Variants in LYZL1 observed in about 807,000 individuals in gnomAD.
The protein encoded by LYZL1 is lysozyme like 1, also known as lysozyme-like protein 1.
A neutral mutation model predicts 17.9 loss-of-function variants in LYZL1; 16 were observed. The observed-to-expected ratio is 0.90, with a 90% CI of 0.61 to 1.36. The LOEUF is 1.36. LYZL1 is among the 40% of genes most tolerant of loss of function. The pLI is 0.00. For missense variants in LYZL1, 149 were observed against 188.4 expected, an observed-to-expected ratio of 0.79 and a Z score of 1.22; for synonymous variants, 58 against 71.8, an observed-to-expected ratio of 0.81 and a Z score of 0.97.
At chr10:29,308,871 G>A (rs1179289005) in intron 3 of LYZL1, among the ~76,000 whole-genome samples, 1 of 152,100 alleles carries the variant, frequency 6.6e-6, no homozygotes, top group Admixed American at 6.5e-5. Flanking sequence ...AGGCTCAGGT[G>A]GGAGGATCAC....
intron 3 of LYZL1, among the ~76,000 whole-genome samples, 179 bp downstream of exon 3, chr10:29,292,856 A>T (rs1835393004): frequency 6.6e-6 from 1 of 152,188 alleles, no homozygotes; most frequent in African/African-American, 2.4e-5. Flanking sequence ...CCTGTGGCTG[A>T]CTTCTCCAAA....
chr10:29,311,377 C>A (rs1319592977), downstream of LYZL1: 1 of 565,310 alleles, frequency 1.8e-6, no homozygotes. Flanking sequence ...GCTGCTCATT[C>A]AAAAATAAGA....
downstream of LYZL1, among the ~76,000 whole-genome samples, chr10:29,315,011 C>T (rs967494013): frequency 1.3e-5 from 2 of 152,096 alleles, no homozygotes; most frequent in East Asian, 1.9e-4. Flanking sequence ...ATGGCACAAA[C>T]CCTAAGCCAG....
chr10:29,317,003 C>G (rs1271917788), intron 3 of LYZL1, among the ~76,000 whole-genome samples: 1 of 152,122 alleles, frequency 6.6e-6, no homozygotes, highest in Non-Finnish European at 1.5e-5. Context: ...AAGGTATGAG[C>G]CATCATGTCC....
intron 3 of LYZL1, among the ~76,000 whole-genome samples, chr10:29,301,256 C>T (rs569665987): frequency 6.6e-6 from 1 of 152,298 alleles, no homozygotes; most frequent in African/African-American, 2.4e-5. Context: ...ACTTGCTCCT[C>T]CTTGCCTACT....
chr10:29,307,984 C>T (rs1437247873), intron 3 of LYZL1, among the ~76,000 whole-genome samples: 5 of 152,200 alleles, frequency 3.3e-5, no homozygotes, highest in Middle Eastern at 3.4e-3. Flanking sequence ...CCCTTGTCAA[C>T]GTCAAGCATT....
downstream of LYZL1, among the ~76,000 whole-genome samples, chr10:29,312,820 G>A (rs1835688978): frequency 6.6e-6 from 1 of 152,148 alleles, no homozygotes; most frequent in Admixed American, 6.5e-5. Context: ...GCTGGTTGGA[G>A]CTGTCTTGTT....
At chr10:29,311,726 C>T (rs575032373), downstream of LYZL1, among the ~76,000 whole-genome samples, 7 of 151,956 alleles carry the variant, frequency 4.6e-5, no homozygotes, top group African/African-American at 1.7e-4. Context: ...GTGTGTAATC[C>T]CAGCACTTTG....
chr10:29,302,387 G>A (rs1835531441), intron 3 of LYZL1, among the ~76,000 whole-genome samples: 1 of 151,522 alleles, frequency 6.6e-6, no homozygotes, highest in South Asian at 2.1e-4. Flanking sequence ...AGGGCAGGCT[G>A]CTCGTAAGGA....
intron 3 of LYZL1, among the ~76,000 whole-genome samples, chr10:29,307,035 A>AGCCATGGT (rs1302538853): frequency 6.6e-6 from 1 of 152,058 alleles, no homozygotes; most frequent in African/African-American, 2.4e-5. Context: ...TTGTATTTTT[A>AGCCATGGT]GAAGAGATGG....
rs776703115 is a variant in LYZL1, at chr10:29,310,975, C to G, written c.378-15C>G. The G allele has an allele frequency of 6.2e-7, 1 of 1,614,066 alleles. No individual in the cohort carries two copies. The highest frequency in any genetic ancestry group is 1.3e-5 in the African/African-American group (1 of 74,938). On this transcript the variant is annotated splice_polypyrimidine_tract_variant and intron_variant, in intron 4 of 4. Transcript: ENST00000649382. ...ACGCTTCTTTCTGCTGCTCCTGCTT[C>G]CCTCTCATCCTCAGGCAAGGCTGGA...
At chr10:29,293,993 A>G (rs1271568165) in intron 3 of LYZL1, among the ~76,000 whole-genome samples, 2 of 152,070 alleles carry the variant, frequency 1.3e-5, no homozygotes, top group Non-Finnish European at 2.9e-5. Context: ...AAGAAAGAAA[A>G]AAAGAAAATC....
chr10:29,294,742 G>T (rs907143454), intron 3 of LYZL1, among the ~76,000 whole-genome samples: 1 of 152,174 alleles, frequency 6.6e-6, no homozygotes, highest in African/African-American at 2.4e-5. Flanking sequence ...ACATCCAGGA[G>T]TCCTCTCCTT....
At chr10:29,305,525 T>C (rs1173227100) in intron 3 of LYZL1, among the ~76,000 whole-genome samples, 1 of 152,106 alleles carries the variant, frequency 6.6e-6, no homozygotes, top group East Asian at 1.9e-4. Flanking sequence ...CGTGAAGAGA[T>C]TTAACATGTG....
At chr10:29,313,406 C>T (rs181619407), downstream of LYZL1, among the ~76,000 whole-genome samples, 12 of 152,296 alleles carry the variant, frequency 7.9e-5, no homozygotes, top group East Asian at 1.5e-3. Flanking sequence ...TTAAAACCAA[C>T]GGCACCTATT....
chr10:29,311,844 G>C (rs1835676465), downstream of LYZL1, among the ~76,000 whole-genome samples: 1 of 152,012 alleles, frequency 6.6e-6, no homozygotes, highest in Non-Finnish European at 1.5e-5. Context: ...CGGGCGTGGT[G>C]GTGCGTGCCT....
At chr10:29,290,492 G>A (rs1368126940) in intron 1 of LYZL1, among the ~76,000 whole-genome samples, 2 of 152,142 alleles carry the variant, frequency 1.3e-5, no homozygotes, top group East Asian at 1.9e-4. Flanking sequence ...GAGGCCCCCC[G>A]GAGCACTGGT....
At chr10:29,314,777 T>G (rs1001459352), downstream of LYZL1, among the ~76,000 whole-genome samples, 1 of 152,150 alleles carries the variant, frequency 6.6e-6, no homozygotes, top group African/African-American at 2.4e-5. Flanking sequence ...TCTTGGGATA[T>G]AGGGGAATGA....
At chr10:29,317,083 T>G (rs1358610637) in intron 3 of LYZL1, among the ~76,000 whole-genome samples, 1 of 152,214 alleles carries the variant, frequency 6.6e-6, no homozygotes. Flanking sequence ...TTATAGCTAT[T>G]TTTAAATTAA....
Sources: gnomAD v4.1 joint callset for allele counts (sites outside exome capture counted in the v4.1 genomes callset) on GRCh38, gnomAD v4.1.1 for gene constraint, MANE v1.5 for transcripts, NCBI Gene and HGNC (gene_info 2026-07-23, HGNC 2026-07-21) for gene names.